The following DRD3 variants were observed in gnomAD, a reference collection of about 807,000 sequenced individuals.
The protein encoded by DRD3 is dopamine receptor D3.
DRD3 carries 19 observed loss-of-function variants against 36.3 expected under a neutral mutation model. That is an observed-to-expected ratio of 0.52 (90% CI 0.36 to 0.77). The LOEUF is 0.77. Among genes scored for constraint, DRD3 ranks in the 30% least tolerant of loss-of-function variants. The pLI is 0.00. For missense variants in DRD3, 465 were observed against 505.3 expected (o/e 0.92, Z 0.77); for synonymous variants, 195 against 203.7 (o/e 0.96, Z 0.36).
intron 5 of DRD3, 116 bp downstream of exon 5, chr3:114,139,384 G>A (rs2077503411): frequency 3.0e-6 from 3 of 996,876 alleles, no homozygotes; most frequent in Non-Finnish European, 4.4e-6. Context: ...TCCAAAGTCG[G>A]TGTCAGATTT....
In DRD3 at chr3:114,131,083, C is replaced by A. The variant is rs773528617; in HGVS notation, c.1006+35G>T. 9 of 1,596,620 alleles carry A rather than the reference C, an allele frequency of 5.6e-6. No individual in the cohort carries two copies. The African/African-American group carries it at 1.2e-4, about 21-fold the overall frequency. On this transcript the variant is annotated intron_variant, in intron 6 of 6. Transcript: ENST00000383673. ...TCCACTTAACTTAACACAACCTAAC[C>A]CAACCCAACACAGCTCAAGCCAACC...
chr3:114,148,902 G>C (rs923596956), intron 3 of DRD3, among the ~76,000 whole-genome samples: 1 of 152,060 alleles, frequency 6.6e-6, no homozygotes, highest in Admixed American at 6.5e-5. Context: ...TAGCAGAGAT[G>C]GGGTTTCATC....
intron 3 of DRD3, among the ~76,000 whole-genome samples, chr3:114,156,389 T>C (rs1183078936): frequency 6.6e-6 from 1 of 152,178 alleles, no homozygotes; most frequent in Non-Finnish European, 1.5e-5. Context: ...ATCTTTCTCC[T>C]GGAATCTTGT....
intron 3 of DRD3, among the ~76,000 whole-genome samples, chr3:114,158,334 G>A (rs1221930275): frequency 6.6e-6 from 1 of 152,108 alleles, no homozygotes; most frequent in Non-Finnish European, 1.5e-5. Flanking sequence ...TTGAGTGGAT[G>A]AATTGTGTGG....
intron 1 of DRD3, among the ~76,000 whole-genome samples, chr3:114,196,211 C>G (rs1180889904): frequency 6.6e-6 from 1 of 152,188 alleles, no homozygotes; most frequent in Non-Finnish European, 1.5e-5. Context: ...CATTATTTAT[C>G]AATTTCCAGT....
upstream of DRD3, among the ~76,000 whole-genome samples, chr3:114,183,976 AAAG>A (rs1467760836): frequency 6.6e-6 from 1 of 152,174 alleles, no homozygotes; most frequent in African/African-American, 2.4e-5. Flanking sequence ...AATTACTGAT[AAAG>A]AAGGACTTAC....
upstream of DRD3, among the ~76,000 whole-genome samples, chr3:114,181,047 C>A (rs888644099): frequency 2.0e-5 from 3 of 152,116 alleles, no homozygotes; most frequent in Non-Finnish European, 4.4e-5. Flanking sequence ...CTTGATAATG[C>A]GTGAATGTAG....
intron 1 of DRD3, among the ~76,000 whole-genome samples, chr3:114,185,140 G>A (rs2077968611): frequency 6.6e-6 from 1 of 152,106 alleles, no homozygotes; most frequent in Non-Finnish European, 1.5e-5. Context: ...GGATGTTTAT[G>A]TCTTTCATCA....
intron 2 of DRD3, among the ~76,000 whole-genome samples, chr3:114,160,702 G>C (rs2077724681): frequency 6.6e-6 from 1 of 152,176 alleles, no homozygotes; most frequent in African/African-American, 2.4e-5. Context: ...TCTGGCTTCA[G>C]CTTGTAAAGC....
chr3:114,170,875 T>A (rs1011905707), intron 2 of DRD3, among the ~76,000 whole-genome samples: 9 of 152,214 alleles, frequency 5.9e-5, no homozygotes, highest in African/African-American at 1.7e-4. Flanking sequence ...AATAGTATAC[T>A]CAGGTTTTTT....
upstream of DRD3, among the ~76,000 whole-genome samples, chr3:114,180,261 A>C (rs953581592): frequency 6.6e-6 from 1 of 152,202 alleles, no homozygotes; most frequent in Non-Finnish European, 1.5e-5. Context: ...ATTATATTAC[A>C]TCAGTCTTCA....
intron 4 of DRD3, among the ~76,000 whole-genome samples, chr3:114,141,122 C>G (rs1490108291): frequency 6.6e-6 from 1 of 152,244 alleles, no homozygotes; most frequent in African/African-American, 2.4e-5. Context: ...ACCTCCATCT[C>G]CCAGGTTCAA....
intron 1 of DRD3, among the ~76,000 whole-genome samples, chr3:114,188,159 A>G (rs2077985796): frequency 1.3e-5 from 2 of 151,586 alleles, no homozygotes; most frequent in African/African-American, 4.8e-5. Context: ...AAAAATCCAG[A>G]GGCAGATGGC....
chr3:114,149,572 T>C (rs9873053), intron 3 of DRD3, among the ~76,000 whole-genome samples: 5,065 of 152,322 alleles, frequency 0.033, 106 homozygotes, highest in African/African-American at 0.057. Context: ...AGGCTGAACC[T>C]GTGACTATAA....
At chr3:114,197,016 G>C (rs1258615289) in intron 1 of DRD3, among the ~76,000 whole-genome samples, 1 of 146,732 alleles carries the variant, frequency 6.8e-6, no homozygotes, top group Non-Finnish European at 1.5e-5. Context: ...TAAGTTTTAG[G>C]GTACATGTGC....
intron 3 of DRD3, among the ~76,000 whole-genome samples, chr3:114,152,522 C>T (rs1435141590): frequency 6.6e-6 from 1 of 152,160 alleles, no homozygotes; most frequent in African/African-American, 2.4e-5. Flanking sequence ...CTTTTTTAAA[C>T]ATGATTAAAC....
chr3:114,167,374 C>T (rs1043783992), intron 2 of DRD3, among the ~76,000 whole-genome samples: 7 of 152,184 alleles, frequency 4.6e-5, no homozygotes, highest in East Asian at 3.9e-4. Context: ...GGAGTGCAGA[C>T]GGTAAAGCAG....
At position 114,131,414 on chromosome 3, in the gene DRD3, A is replaced by G; in HGVS notation, c.724-14T>C. On this transcript the variant is annotated splice_polypyrimidine_tract_variant and intron_variant, in intron 5 of 6. Transcript: ENST00000383673. ...AGGAGAGAGGGTCTGCAGGTGTGAC[A>G]AGAGGGAATCTTGACATTTCTGGGG... 1 of 1,604,036 alleles carries G rather than the reference A, an allele frequency of 6.2e-7. No individual in the cohort carries two copies. Among genetic ancestry groups the G allele is most frequent in the Non-Finnish European group, 8.5e-7 (1 of 1,173,286 alleles).
rs2077924804 is a variant in DRD3, at chr3:114,178,684, A to G, written c.-63T>C. 1 of 152,178 alleles carries G rather than the reference A, an allele frequency of 6.6e-6. No homozygotes were observed. The highest frequency in any genetic ancestry group is 6.5e-5 in the Admixed American group (1 of 15,274). The allele number at this position is 152,178 out of a possible 1,614,324, so 9.4% of individuals were successfully genotyped here. A position where few individuals can be genotyped will look rare whatever the true frequency, so the allele number is the denominator to read the frequency against. ...TAAAATTTTCTTCTGATTTCTGGAG[A>G]CCGAGGAGTTTACCACTTCGGCTCC... On this transcript the variant is annotated 5_prime_UTR_variant, in exon 1 of 7. Coordinates refer to ENST00000383673, the MANE Select transcript of DRD3 (RefSeq NM_000796.6).
Sources: allele counts gnomAD v4.1 joint callset (sites outside exome capture counted in the v4.1 genomes callset), GRCh38; gene constraint gnomAD v4.1.1; transcripts MANE v1.5; gene names NCBI Gene and HGNC (gene_info 2026-07-23, HGNC 2026-07-21).